The following MPP4 variants were observed in gnomAD, a reference collection of about 807,000 sequenced individuals.
The protein encoded by MPP4 is MAGUK p55 subfamily member 4.
In MPP4, 91 loss-of-function variants were observed where a neutral mutation model predicts 98.3. That is an observed-to-expected ratio of 0.93 (90% CI 0.78 to 1.10). MPP4 has a LOEUF of 1.10. Among genes scored for constraint, MPP4 ranks in the 50% least tolerant of loss-of-function variants. The probability of loss-of-function intolerance (pLI) is 0.00; values close to 1 mark genes in which losing one functional copy is unlikely to be tolerated. For missense variants in MPP4, 744 were observed against 792.9 expected (o/e 0.94, Z 0.74); for synonymous variants, 261 against 271.8 (o/e 0.96, Z 0.39).
At chr2:201,655,070 C>G (rs1687815245) in intron 17 of MPP4, among the ~76,000 whole-genome samples, 153 bp from the exon 18 acceptor site, 1 of 152,048 alleles carries the variant, frequency 6.6e-6, no homozygotes, top group African/African-American at 2.4e-5. Context: ...TTGGAAGAAC[C>G]CCAGAAAACT....
At chr2:201,667,277 C>T (rs1459177305) in intron 12 of MPP4, among the ~76,000 whole-genome samples, 1 of 152,212 alleles carries the variant, frequency 6.6e-6, no homozygotes, top group Non-Finnish European at 1.5e-5. Flanking sequence ...GAGTGGACAT[C>T]ACAGCCTTTG....
At chr2:201,684,721 T>C (rs566158820) in intron 7 of MPP4, among the ~76,000 whole-genome samples, 31 of 152,062 alleles carry the variant, frequency 2.0e-4, no homozygotes, top group Non-Finnish European at 3.5e-4. Flanking sequence ...GAGGCTGAGG[T>C]GGGCGGATCA....
chr2:201,659,178 T>C (rs1197888401), intron 15 of MPP4, among the ~76,000 whole-genome samples: 1 of 151,352 alleles, frequency 6.6e-6, no homozygotes, highest in South Asian at 2.1e-4. Context: ...TTACAGGGAT[T>C]ACGCCCGGCC....
intron 12 of MPP4, among the ~76,000 whole-genome samples, chr2:201,668,967 A>G (rs545072759): frequency 4.6e-5 from 7 of 152,266 alleles, no homozygotes; most frequent in Non-Finnish European, 8.8e-5. Context: ...CCCATAGATC[A>G]GCCTTCAAAA....
intron 14 of MPP4, among the ~76,000 whole-genome samples, chr2:201,662,722 A>G (rs796955226): frequency 6.6e-5 from 10 of 152,226 alleles, no homozygotes; most frequent in African/African-American, 2.4e-4. Flanking sequence ...TTGGTAAGTA[A>G]TAAAAGGCTA....
At position 201,645,298 on chromosome 2, in the gene MPP4, G is replaced by A. The variant is rs1375713027; in HGVS notation, c.1826C>T (p.Ala609Val). 1 of 1,613,948 alleles carries A rather than the reference G, an allele frequency of 6.2e-7. No homozygotes were observed. Among genetic ancestry groups the A allele is most frequent in the South Asian group, 1.1e-5 (1 of 91,078 alleles). Reference protein sequence around the residue: ...IVNDSLHDACAQLLSAIQKAQ... With the variant: ...IVNDSLHDACVQLLSAIQKAQ... ...CTTCTGTATGGCAGACAACAACTGG[G>A]CACATGCATCGTGCAAGCTGTCATT... The change falls in exon 22 of 22, where the codon GCC becomes GTC. Residue 609 changes from alanine (A) to valine (V), a missense_variant. Physicochemically the swap from Ala to Val is moderately conservative, Grantham distance 64. Coordinates refer to ENST00000409474, the MANE Select transcript of MPP4 (RefSeq NM_033066.3).
intron 4 of MPP4, among the ~76,000 whole-genome samples, chr2:201,689,421 T>C (rs992421419): frequency 6.6e-6 from 1 of 152,126 alleles, no homozygotes; most frequent in African/African-American, 2.4e-5. Flanking sequence ...AGTGACATGA[T>C]TTGACTTGCT....
intron 1 of MPP4, among the ~76,000 whole-genome samples, chr2:201,695,890 T>C (rs761560928): frequency 6.0e-4 from 91 of 152,266 alleles, no homozygotes; most frequent in Non-Finnish European, 7.1e-4. Context: ...AACATTGTTA[T>C]AGTAGGACAA....
rs1239190484 is a variant in MPP4, at chr2:201,675,275, T to C, written c.930-4A>G. The C allele has an allele frequency of 8.1e-6, 13 of 1,605,770 alleles. No homozygotes were observed. Among genetic ancestry groups the C allele is most frequent in the East Asian group, 2.2e-5 (1 of 44,712 alleles). On this transcript the variant is annotated splice_region_variant and splice_polypyrimidine_tract_variant and intron_variant, in intron 10 of 21. Coordinates refer to ENST00000409474, the MANE Select transcript of MPP4 (RefSeq NM_033066.3). ...CCACCAGAATTCCCGTTGCTTCCTA[T>C]GGGGGGGAAAAAACCATGCGACAAA... is the stretch of plus-strand genomic sequence containing the variant.
intron 11 of MPP4, among the ~76,000 whole-genome samples, chr2:201,672,956 G>T (rs529706732): frequency 3.4e-4 from 51 of 152,214 alleles, no homozygotes; most frequent in African/African-American, 1.2e-3. Flanking sequence ...AACATCGATG[G>T]GAAAATCCTC....
intron 18 of MPP4, chr2:201,650,900 T>C (rs1559596152): frequency 1.0e-6 from 1 of 985,302 alleles, no homozygotes; most frequent in Non-Finnish European, 1.2e-6. Flanking sequence ...ACTTAAATAG[T>C]GCCAGGTTGT....
chr2:201,682,274 G>T (rs1280840344), intron 8 of MPP4, among the ~76,000 whole-genome samples: 1 of 152,282 alleles, frequency 6.6e-6, no homozygotes, highest in Non-Finnish European at 1.5e-5. Context: ...GAATCTTGCA[G>T]CAGTGGCTTA....
chr2:201,689,436 A>G (rs770942030), intron 4 of MPP4, among the ~76,000 whole-genome samples: 3 of 152,172 alleles, frequency 2.0e-5, no homozygotes, highest in Non-Finnish European at 2.9e-5. Context: ...CTTGCTTTCA[A>G]AGAGGGTATT....
At chr2:201,697,822 C>T (rs1406110000) in intron 1 of MPP4, 18 of 566,726 alleles carry the variant, frequency 3.2e-5, no homozygotes, top group Non-Finnish European at 4.0e-5. Context: ...ATCTGACATT[C>T]AAGGAGGTAT....
chr2:201,657,620 C>CTTTTTTTTTTTTTTTTTTTTTTTAT (rs1687894177), intron 16 of MPP4, among the ~76,000 whole-genome samples: 1 of 61,648 alleles, frequency 1.6e-5, no homozygotes, highest in African/African-American at 5.4e-5. Flanking sequence ...TTTTTTTTTG[C>CTTTTTTTTTTTTTTTTTTTTTTTAT]TTATTGTATC....
chr2:201,649,984 G>A (rs1254175786), intron 19 of MPP4, 88 bp downstream of exon 19: 28 of 1,308,928 alleles, frequency 2.1e-5, no homozygotes, highest in Non-Finnish European at 2.5e-5. Flanking sequence ...AATTACCCAG[G>A]AGATTTGGAA....
chr2:201,651,916 G>A, intron 18 of MPP4: 1 of 625,714 alleles, frequency 1.6e-6, no homozygotes, highest in Non-Finnish European at 2.0e-6. Context: ...TAACACCACG[G>A]CACTCCAGCC....
Position 201,650,146 on chromosome 2 carries a change from CTT to C in MPP4, c.1399_1400del (p.Lys467GlufsTer8), listed in dbSNP as rs764901964. On this transcript the variant is annotated frameshift_variant, in exon 19 of 22. Transcript: ENST00000409474. LOFTEE classifies it high-confidence loss of function. ...ACTCACGCCCATTCATTTCGTAACT[CTT>C]TTTAGTACGAGTAGTGTCTATCAGA... ...SAVPHTTRTK[K>X]SYEMNGREYH... The C allele has an allele frequency of 1.6e-5, 25 of 1,573,178 alleles. No homozygotes were observed. Among genetic ancestry groups the C allele is most frequent in the Middle Eastern group, 1.7e-4 (1 of 6,036 alleles).
intron 21 of MPP4, among the ~76,000 whole-genome samples, 194 bp from the exon 22 acceptor site, chr2:201,645,598 A>C (rs1285042874): frequency 1.3e-5 from 2 of 152,204 alleles, no homozygotes; most frequent in East Asian, 3.8e-4. Context: ...GCAAACTAGA[A>C]AATAGTAATT....
Sources: gnomAD v4.1 joint callset for allele counts (sites outside exome capture counted in the v4.1 genomes callset) on GRCh38, gnomAD v4.1.1 for gene constraint, MANE v1.5 for transcripts, NCBI Gene and HGNC (gene_info 2026-07-23, HGNC 2026-07-21) for gene names.